The following ASIP variants were observed in gnomAD, a reference collection of about 807,000 sequenced individuals.
ASIP encodes the protein agouti signaling protein, also known as agouti-signaling protein.
A neutral mutation model predicts 10.3 loss-of-function variants in ASIP; 11 were observed. The ratio of observed to expected loss-of-function variants is 1.07; its 90% CI spans 0.68 to 1.78. The LOEUF (loss-of-function observed/expected upper bound fraction) is 1.78, where lower values mean the gene tolerates loss of function less well. Among genes scored for constraint, ASIP ranks in the 40% most tolerant of loss-of-function variants. The probability of loss-of-function intolerance (pLI) is 0.00; values close to 1 mark genes in which losing one functional copy is unlikely to be tolerated. For missense variants in ASIP, 180 were observed against 169.2 expected (o/e 1.06, Z -0.35); for synonymous variants, 70 against 70.8 (o/e 0.99, Z 0.06).
At chr20:34,211,582 G>A (rs1045821511) in intron 1 of ASIP, among the ~76,000 whole-genome samples, 2 of 152,120 alleles carry the variant, frequency 1.3e-5, no homozygotes, top group Non-Finnish European at 2.9e-5. Flanking sequence ...TTTAATATGG[G>A]TCTACGGGTG....
At chr20:34,205,984 A>G (rs2034934058) in intron 1 of ASIP, among the ~76,000 whole-genome samples, 1 of 151,790 alleles carries the variant, frequency 6.6e-6, no homozygotes, top group African/African-American at 2.4e-5. Context: ...TTCTATTCTA[A>G]TTGTATTTTG....
At position 34,235,848 on chromosome 20, in the gene ASIP, GGAAGGAAGGAAGGAAGGA is replaced by G. The variant is rs1568756085; in HGVS notation, c.-10-24516_-10-24499del. Among the ~76,000 whole-genome samples, 5 of 39,552 alleles carry G rather than the reference GGAAGGAAGGAAGGAAGGA, an allele frequency of 1.3e-4. No individual in the cohort carries two copies. In the African/African-American group the frequency reaches 1.3e-3, roughly 10 times the overall value. 25.9% of individuals were successfully genotyped at this position (39,552 alleles called of 152,430 possible). On this transcript the variant is annotated intron_variant, in intron 1 of 3. Transcript: ENST00000568305. ...AAGAAAGAAAGAAAGAAAGAAGGAA[GGAAGGAAGGAAGGAAGGA>G]AAGGAAGGAAGGAAGGAAGGAAGGA... is the stretch of plus-strand genomic sequence containing the variant.
the ASIP span, among the ~76,000 whole-genome samples, chr20:34,187,199 C>A: frequency 6.6e-6 from 1 of 152,164 alleles, no homozygotes; most frequent in South Asian, 2.1e-4. Flanking sequence ...CATCAGTGAT[C>A]CACAAAGGGG....
intron 2 of ASIP, 62 bp downstream of exon 2, chr20:34,260,596 TC>T: frequency 6.7e-7 from 1 of 1,500,026 alleles, no homozygotes; most frequent in East Asian, 2.3e-5. Flanking sequence ...CAAGCATGCT[TC>T]CCAGGGTGCT....
At chr20:34,254,659 A>T (rs925722989) in intron 1 of ASIP, among the ~76,000 whole-genome samples, 1 of 152,284 alleles carries the variant, frequency 6.6e-6, no homozygotes. Flanking sequence ...TAATATTTTC[A>T]TTATAGGGTT....
intron 3 of ASIP, among the ~76,000 whole-genome samples, chr20:34,264,236 A>G (rs1358462179): frequency 6.6e-6 from 1 of 152,216 alleles, no homozygotes; most frequent in Non-Finnish European, 1.5e-5. Flanking sequence ...AAGATGTAGT[A>G]CTAAATCATA....
chr20:34,205,184 T>A (rs914428598), intron 1 of ASIP, among the ~76,000 whole-genome samples: 1 of 152,204 alleles, frequency 6.6e-6, no homozygotes, highest in Admixed American at 6.5e-5. Context: ...GTTGTTCAGA[T>A]GTGTCCGGAG....
intron 1 of ASIP, among the ~76,000 whole-genome samples, chr20:34,252,092 C>T (rs1568764658): frequency 6.6e-6 from 1 of 152,218 alleles, no homozygotes; most frequent in Non-Finnish European, 1.5e-5. Context: ...TATAGTGAGT[C>T]ATATAGTCCT....
intron 1 of ASIP, among the ~76,000 whole-genome samples, chr20:34,235,799 AAG>A (rs1419242653): frequency 1.9e-5 from 1 of 52,818 alleles, no homozygotes; most frequent in African/African-American, 1.9e-4. Context: ...GAAAGAAAGA[AAG>A]AAAGAAAGAA....
intron 1 of ASIP, among the ~76,000 whole-genome samples, chr20:34,196,491 T>C (rs967385800): frequency 6.6e-6 from 1 of 151,952 alleles, no homozygotes; most frequent in African/African-American, 2.4e-5. Flanking sequence ...AGATTTCTTA[T>C]AGAAAATAGG....
intron 1 of ASIP, among the ~76,000 whole-genome samples, chr20:34,235,500 C>T (rs937123640): frequency 5.9e-5 from 9 of 151,942 alleles, no homozygotes; most frequent in African/African-American, 1.5e-4. Context: ...CAAAAGTTCA[C>T]GAAGGTTCTA....
intron 1 of ASIP, among the ~76,000 whole-genome samples, chr20:34,254,415 T>C (rs145205370): frequency 6.6e-6 from 1 of 152,316 alleles, no homozygotes; most frequent in African/African-American, 2.4e-5. Context: ...TAATGAGTAA[T>C]AACAGCAACA....
the ASIP span, among the ~76,000 whole-genome samples, chr20:34,188,766 T>C: frequency 1.3e-5 from 2 of 152,294 alleles, no homozygotes; most frequent in East Asian, 3.9e-4. Flanking sequence ...GGAGATATGG[T>C]TGAAATCCTG....
rs972652566 is a variant in ASIP, at chr20:34,233,680, A to G, written c.-10-26685A>G. Among the ~76,000 whole-genome samples the G allele has an allele frequency of 3.9e-5, 6 of 152,232 alleles. No individual in the cohort carries two copies. The East Asian group carries it at 7.7e-4, about 20-fold the overall frequency. On this transcript the variant is annotated intron_variant, in intron 1 of 3. Coordinates refer to the ASIP transcript ENST00000568305. Reference sequence around the variant, plus strand: ...GAATTGGCTACCAAATACTTTGACTATAAGCCCATTGTTGATGAGTTTTTG... The same window carrying G: ...GAATTGGCTACCAAATACTTTGACTGTAAGCCCATTGTTGATGAGTTTTTG...
chr20:34,208,344 T>A (rs1192236817), intron 1 of ASIP, among the ~76,000 whole-genome samples: 1 of 152,026 alleles, frequency 6.6e-6, no homozygotes, highest in African/African-American at 2.4e-5. Context: ...ATGTCATTGG[T>A]ATTTTTTTGT....
At chr20:34,218,547 T>C (rs1322012414) in intron 1 of ASIP, among the ~76,000 whole-genome samples, 1 of 152,180 alleles carries the variant, frequency 6.6e-6, no homozygotes, top group African/African-American at 2.4e-5. Context: ...GGAGCACTCC[T>C]CCTATTTGCT....
chr20:34,213,697 A>G, intron 1 of ASIP: 2 of 1,531,600 alleles, frequency 1.3e-6, no homozygotes, highest in Non-Finnish European at 1.8e-6. Flanking sequence ...AGCAGATGGG[A>G]TGAACGGAAA....
chr20:34,187,256 T>C, the ASIP span, among the ~76,000 whole-genome samples: 1 of 152,166 alleles, frequency 6.6e-6, no homozygotes, highest in Non-Finnish European at 1.5e-5. Flanking sequence ...CTAAATTGGT[T>C]CTTTTTTTTG....
chr20:34,196,987 CTT>C (rs74271768), intron 1 of ASIP, among the ~76,000 whole-genome samples: 15,895 of 135,334 alleles, frequency 0.12, 862 homozygotes, highest in South Asian at 0.2. Flanking sequence ...CTTAAACATT[CTT>C]TTTTTTTTTT....
Sources: gnomAD v4.1 joint callset for allele counts (sites outside exome capture counted in the v4.1 genomes callset) on GRCh38, gnomAD v4.1.1 for gene constraint, MANE v1.5 for transcripts, NCBI Gene and HGNC (gene_info 2026-07-23, HGNC 2026-07-21) for gene names.